Variants in TNIK observed in about 807,000 individuals in gnomAD.
The protein encoded by TNIK is TRAF2 and NCK interacting kinase.
Under a neutral mutation model 191.3 loss-of-function variants are expected in TNIK, and 49 were observed. The observed-to-expected ratio is 0.26, with a 90% CI of 0.20 to 0.32. TNIK has a LOEUF of 0.32. Ranked by LOEUF, TNIK falls within the 10% of genes least tolerant of loss-of-function variation. The pLI, the probability that TNIK is intolerant of heterozygous loss-of-function variation, is 1.00. For missense variants in TNIK, 1,155 were observed against 1,702.3 expected, an observed-to-expected ratio of 0.68 and a Z score of 5.66; for synonymous variants, 594 against 600.9, an observed-to-expected ratio of 0.99 and a Z score of 0.17.
intron 3 of TNIK, among the ~76,000 whole-genome samples, chr3:171,215,629 T>G (rs963427595): frequency 1.3e-5 from 2 of 152,172 alleles, no homozygotes; most frequent in African/African-American, 4.8e-5. Flanking sequence ...TAAGAGCATC[T>G]TAAGCCAGGG....
chr3:171,336,140 A>G (rs1261052538), intron 2 of TNIK, among the ~76,000 whole-genome samples: 1 of 152,144 alleles, frequency 6.6e-6, no homozygotes, highest in African/African-American at 2.4e-5. Context: ...AATTTCTCCA[A>G]CATATTTTGA....
intron 4 of TNIK, among the ~76,000 whole-genome samples, chr3:171,200,041 C>A (rs1051149273): frequency 4.6e-5 from 7 of 152,156 alleles, no homozygotes; most frequent in African/African-American, 1.7e-4. Context: ...ACCAGAGACA[C>A]ATGTTTTTGT....
chr3:171,357,628 C>T (rs565527582), intron 2 of TNIK, among the ~76,000 whole-genome samples: 2 of 149,248 alleles, frequency 1.3e-5, no homozygotes, highest in African/African-American at 4.9e-5. Flanking sequence ...AAGGTAATGT[C>T]CCTGACTCAG....
intron 2 of TNIK, among the ~76,000 whole-genome samples, chr3:171,250,823 T>G (rs144764296): frequency 6.6e-6 from 1 of 152,372 alleles, no homozygotes; most frequent in Non-Finnish European, 1.5e-5. Context: ...ACTTCCATTA[T>G]TATTCTACAT....
At chr3:171,086,921 T>C (rs1721430864) in intron 24 of TNIK, among the ~76,000 whole-genome samples, 1 of 152,250 alleles carries the variant, frequency 6.6e-6, no homozygotes, top group African/African-American at 2.4e-5. Flanking sequence ...CATAAACAAA[T>C]CATTTAAACT....
At chr3:171,373,829 C>T (rs1161807901) in intron 1 of TNIK, among the ~76,000 whole-genome samples, 1 of 152,174 alleles carries the variant, frequency 6.6e-6, no homozygotes, top group Non-Finnish European at 1.5e-5. Context: ...CTTGAAAGCC[C>T]AGCTTGCTGC....
intron 23 of TNIK, among the ~76,000 whole-genome samples, chr3:171,092,945 A>T (rs1020647283): frequency 1.3e-5 from 2 of 152,218 alleles, no homozygotes; most frequent in Non-Finnish European, 2.9e-5. Context: ...CCGAGGAGAG[A>T]GTGAAATAAA....
chr3:171,252,530 G>A (rs1302728326), intron 2 of TNIK, among the ~76,000 whole-genome samples: 1 of 152,108 alleles, frequency 6.6e-6, no homozygotes, highest in East Asian at 1.9e-4. Context: ...AATTCAAGGT[G>A]GGTAACATGC....
intron 22 of TNIK, among the ~76,000 whole-genome samples, chr3:171,100,084 ATCT>A (rs1171127966): frequency 6.6e-6 from 1 of 152,182 alleles, no homozygotes; most frequent in Admixed American, 6.5e-5. Flanking sequence ...TAATTTCATA[ATCT>A]TCTCTCATCC....
At chr3:171,162,923 G>T (rs1734186212) in intron 10 of TNIK, among the ~76,000 whole-genome samples, 1 of 152,198 alleles carries the variant, frequency 6.6e-6, no homozygotes, top group Non-Finnish European at 1.5e-5. Flanking sequence ...ATCAAAGAAA[G>T]GAACAGCTAG....
chr3:171,209,064 G>GGTGTGTGTGT (rs61264225), intron 4 of TNIK, among the ~76,000 whole-genome samples: 23,414 of 141,910 alleles, frequency 0.16, 2,055 homozygotes, highest in South Asian at 0.22. Flanking sequence ...CTTTGGAAGG[G>GGTGTGTGTGT]GTGTGTGTGT....
intron 2 of TNIK, among the ~76,000 whole-genome samples, chr3:171,230,106 AGATT>A (rs1232920232): frequency 1.3e-5 from 2 of 152,188 alleles, no homozygotes; most frequent in Non-Finnish European, 2.9e-5. Flanking sequence ...AGTTTCCACA[AGATT>A]GATAGGGAGA....
chr3:171,267,154 C>T (rs114122047), intron 2 of TNIK, among the ~76,000 whole-genome samples: 3,647 of 152,152 alleles, frequency 0.024, 72 homozygotes, highest in Middle Eastern at 0.092. Flanking sequence ...TTGATCTAAC[C>T]ATCTTAGGGT....
At chr3:171,179,959 T>C (rs986087713) in intron 7 of TNIK, among the ~76,000 whole-genome samples, 1 of 151,994 alleles carries the variant, frequency 6.6e-6, no homozygotes, top group Admixed American at 6.6e-5. Context: ...TTTACCCAAA[T>C]CCCTAGGAAC....
chr3:171,459,208 C>G (rs1306329737), intron 1 of TNIK, among the ~76,000 whole-genome samples: 1 of 150,212 alleles, frequency 6.7e-6, no homozygotes, highest in African/African-American at 2.5e-5. Flanking sequence ...GCCACAGACA[C>G]GGGGAAAACA....
intron 29 of TNIK, among the ~76,000 whole-genome samples, chr3:171,069,487 C>T (rs1718909799): frequency 6.6e-6 from 1 of 152,128 alleles, no homozygotes; most frequent in Non-Finnish European, 1.5e-5. Context: ...TTGGATTTTT[C>T]TTCAGTGAAT....
At chr3:171,095,540 T>A (rs1722598981) in intron 22 of TNIK, among the ~76,000 whole-genome samples, 1 of 152,236 alleles carries the variant, frequency 6.6e-6, no homozygotes, top group Non-Finnish European at 1.5e-5. Flanking sequence ...TTTTCTTTTA[T>A]TTTCATTGTT....
At chr3:171,353,231 C>A (rs573569132) in intron 2 of TNIK, among the ~76,000 whole-genome samples, 1 of 152,144 alleles carries the variant, frequency 6.6e-6, no homozygotes, top group Admixed American at 6.5e-5. Context: ...ACTGAGCAGT[C>A]GACCCCACCA....
intron 7 of TNIK, among the ~76,000 whole-genome samples, chr3:171,181,983 T>G (rs1400304253): frequency 6.6e-6 from 1 of 152,032 alleles, no homozygotes; most frequent in Non-Finnish European, 1.5e-5. Context: ...AGGGAAAAAA[T>G]ATGTACTTTA....
Sources: gnomAD v4.1 joint callset for allele counts (sites outside exome capture counted in the v4.1 genomes callset) on GRCh38, gnomAD v4.1.1 for gene constraint, MANE v1.5 for transcripts, NCBI Gene and HGNC (gene_info 2026-07-23, HGNC 2026-07-21) for gene names.